The following MPZL3 variants were observed in gnomAD, a reference collection of about 807,000 sequenced individuals.
The protein encoded by MPZL3 is myelin protein zero like 3, also known as myelin protein zero-like protein 3.
A neutral mutation model predicts 24.8 loss-of-function variants in MPZL3; 23 were observed. That is an observed-to-expected ratio of 0.93 (90% CI 0.67 to 1.31). The LOEUF (loss-of-function observed/expected upper bound fraction) is 1.31. Among genes scored for constraint, MPZL3 ranks in the 40% most tolerant of loss-of-function variants. The pLI is 0.00. For synonymous variants in MPZL3, 99 were observed against 106.5 expected (o/e 0.93, Z 0.44); for missense variants, 277 against 294.9 (o/e 0.94, Z 0.44).
At position 118,235,525 on chromosome 11, in the gene MPZL3, C is replaced by T; in HGVS notation, c.516G>A (p.Val172=). 6.2e-7 allele frequency: 1 copy of T among 1,613,970 alleles called. No homozygotes were observed. Among genetic ancestry groups the T allele is most frequent in the East Asian group, 2.2e-5 (1 of 44,866 alleles). Residue 172 remains valine, a synonymous_variant, in exon 4 of 6, where the codon GTG becomes GTA. Transcript: ENST00000278949. ...TTCTCACCAGCAGCAGAGCAACCAC[C>T]ACGGCTGAGGGCACAAAGACAAGGA... The part of the protein sequence containing the change: ...LSILVFVPSA[V]VVALLLVRMG...
intron 1 of MPZL3, among the ~76,000 whole-genome samples, chr11:118,241,974 A>G (rs1232655131): frequency 6.6e-6 from 1 of 152,066 alleles, no homozygotes; most frequent in Non-Finnish European, 1.5e-5. Flanking sequence ...CTCAGTCCCC[A>G]CTTTCTTAGG....
In MPZL3 at chr11:118,234,758, G is replaced by T. The variant is rs12362596; in HGVS notation, c.617+666C>A. ...ACACACACATACACACACACACACAGAGAGAGATTGAATTTTGGACCTTCT... is the reference window on the plus strand; with the variant it reads ...ACACACACATACACACACACACACATAGAGAGATTGAATTTTGGACCTTCT... On this transcript the variant is annotated intron_variant, in intron 4 of 5. Coordinates refer to ENST00000278949, the MANE Select transcript of MPZL3 (RefSeq NM_198275.3). 6.6e-5 allele frequency among the ~76,000 whole-genome samples: 10 copies of T among 151,474 alleles called. No individual in the cohort carries two copies. In the East Asian group the frequency reaches 1.9e-3, roughly 29 times the overall value.
chr11:118,250,168 ATTTTTTTTTTT>A (rs71041823), intron 1 of MPZL3, among the ~76,000 whole-genome samples: 6 of 104,260 alleles, frequency 5.8e-5, no homozygotes, highest in Non-Finnish European at 9.2e-5. Context: ...CACCTGGCTA[ATTTTTTTTTTT>A]TTTTTTTTTT....
chr11:118,243,937 C>A (rs1305745419), intron 1 of MPZL3, among the ~76,000 whole-genome samples: 2 of 152,172 alleles, frequency 1.3e-5, no homozygotes, highest in Non-Finnish European at 2.9e-5. Context: ...CCTTTCTAAG[C>A]CAAGTTTGTG....
chr11:118,242,710 C>T (rs1949512339), intron 1 of MPZL3, among the ~76,000 whole-genome samples: 1 of 152,208 alleles, frequency 6.6e-6, no homozygotes, highest in Admixed American at 6.5e-5. Flanking sequence ...CTTCAAATTC[C>T]AGCTCAAATA....
chr11:118,230,894 C>T (rs1329410018), intron 5 of MPZL3, among the ~76,000 whole-genome samples: 1 of 152,198 alleles, frequency 6.6e-6, no homozygotes, highest in African/African-American at 2.4e-5. Flanking sequence ...CAGCAATCCT[C>T]TCCTCTCTGT....
chr11:118,251,118 TGA>T (rs1491173914), intron 1 of MPZL3, among the ~76,000 whole-genome samples: 1 of 129,710 alleles, frequency 7.7e-6, no homozygotes, highest in East Asian at 2.3e-4. Context: ...TGTGTGTGTG[TGA>T]AAGAGAGAGA....
chr11:118,237,152 TG>T lies in MPZL3; in HGVS notation c.348del (p.Ser116ArgfsTer5), dbSNP rs1330574134. On this transcript the variant is annotated frameshift_variant, in exon 3 of 6. Transcript: ENST00000278949. The stretch of plus-strand genomic sequence containing the variant: ...GTCCCATTGTCCTTTATGGTAGGGT[TG>T]CTTATACTTATAGATGCATCCCCTT... ...VYKGDASISI[S>X]NPTIKDNGTF... The T allele has an allele frequency of 1.2e-6, 2 of 1,614,134 alleles. No homozygotes were observed. Among genetic ancestry groups the T allele is most frequent in the Admixed American group, 1.7e-5 (1 of 60,016 alleles).
At chr11:118,239,591 T>C (rs1285557661) in intron 2 of MPZL3, among the ~76,000 whole-genome samples, 1 of 152,240 alleles carries the variant, frequency 6.6e-6, no homozygotes, top group Admixed American at 6.5e-5. Context: ...GGACCATAAA[T>C]GTGTTTTATA....
At chr11:118,249,766 G>C (rs1949598480) in intron 1 of MPZL3, among the ~76,000 whole-genome samples, 1 of 151,950 alleles carries the variant, frequency 6.6e-6, no homozygotes, top group Non-Finnish European at 1.5e-5. Context: ...TAAATACTTA[G>C]ATAACTGATA....
chr11:118,243,559 A>G (rs1949523964), intron 1 of MPZL3, among the ~76,000 whole-genome samples: 1 of 152,210 alleles, frequency 6.6e-6, no homozygotes, highest in Admixed American at 6.5e-5. Flanking sequence ...ACATGAGGCC[A>G]GGAGTTCAAG....
At position 118,229,758 on chromosome 11, in the gene MPZL3, T is replaced by C. The variant is rs899364109; in HGVS notation, c.*136A>G. ...TTCAATAAATAAGTGGTTCCTAAAG[T>C]CTTTACTGATGATCTCCAGGATTGT... On this transcript the variant is annotated 3_prime_UTR_variant, in exon 6 of 6. Coordinates refer to ENST00000278949, the MANE Select transcript of MPZL3 (RefSeq NM_198275.3). The C allele has an allele frequency of 1.1e-5, 8 of 713,570 alleles. No homozygotes were observed. The African/African-American group carries it at 1.3e-4, about 11-fold the overall frequency. The allele number at this position is 713,570 out of a possible 1,614,324, so 44.2% of individuals were successfully genotyped here.
Position 118,229,715 on chromosome 11 carries a change from A to C in MPZL3, c.*179T>G. ...ATGAGAGTTCCTGAACAGTTTATAA[A>C]TACAACAAGAACATTTATTCAATAA... On this transcript the variant is annotated 3_prime_UTR_variant, in exon 6 of 6. Transcript: ENST00000278949. The C allele has an allele frequency of 1.8e-6, 1 of 555,798 alleles. No individual in the cohort carries two copies. Among genetic ancestry groups the C allele is most frequent in the Admixed American group, 3.5e-5 (1 of 28,824 alleles). 34.4% of individuals were successfully genotyped at this position (555,798 alleles called of 1,614,324 possible).
intron 2 of MPZL3, among the ~76,000 whole-genome samples, chr11:118,239,459 A>G (rs1237272038): frequency 2.6e-5 from 4 of 152,230 alleles, no homozygotes; most frequent in African/African-American, 7.2e-5. Flanking sequence ...AATCTTCCAT[A>G]CAGCTATGAC....
At chr11:118,233,257 A>G (rs1793162) in intron 5 of MPZL3, among the ~76,000 whole-genome samples, 1 of 151,936 alleles carries the variant, frequency 6.6e-6, no homozygotes, top group Non-Finnish European at 1.5e-5. Flanking sequence ...CTGCTCTACG[A>G]CCACGAGACA....
chr11:118,240,553 T>C (rs1030325517), intron 1 of MPZL3, among the ~76,000 whole-genome samples, 176 bp from the exon 2 acceptor site: 6 of 152,306 alleles, frequency 3.9e-5, no homozygotes, highest in Middle Eastern at 3.4e-3. Context: ...TAATCAAAGA[T>C]AGCATTTTTC....
chr11:118,242,742 T>G (rs903554164), intron 1 of MPZL3, among the ~76,000 whole-genome samples: 3 of 152,214 alleles, frequency 2.0e-5, no homozygotes, highest in African/African-American at 7.2e-5. Context: ...TGCGGTGCCT[T>G]CCCAAATTCC....
At chr11:118,229,998 C>T in intron 5 of MPZL3, 78 bp from the exon 6 acceptor site, 1 of 1,338,118 alleles carries the variant, frequency 7.5e-7, no homozygotes, top group South Asian at 1.3e-5. Context: ...TTAGGATCCT[C>T]CAAATGGAAC....
intron 1 of MPZL3, among the ~76,000 whole-genome samples, chr11:118,240,816 G>A (rs868862445): frequency 6.7e-6 from 1 of 149,834 alleles, no homozygotes; most frequent in Admixed American, 6.7e-5. Flanking sequence ...GTGGTCTAAG[G>A]GACTTACCCC....
Sources: allele counts gnomAD v4.1 joint callset (sites outside exome capture counted in the v4.1 genomes callset), GRCh38; gene constraint gnomAD v4.1.1; transcripts MANE v1.5; gene names NCBI Gene and HGNC (gene_info 2026-07-23, HGNC 2026-07-21).